Variants in USH2A observed in about 807,000 individuals in gnomAD.
USH2A encodes usherin.
Under a neutral mutation model 538.9 loss-of-function variants are expected in USH2A, and 443 were observed. The ratio of observed to expected loss-of-function variants is 0.82; its 90% CI spans 0.76 to 0.89. The LOEUF (loss-of-function observed/expected upper bound fraction) is 0.89, where lower values mean the gene tolerates loss of function less well. Ranked by LOEUF, USH2A falls within the 40% of genes least tolerant of loss-of-function variation. The pLI is 0.00. For synonymous variants in USH2A, 2,413 were observed against 2,273.5 expected, an observed-to-expected ratio of 1.06 and a Z score of -1.75; for missense variants, 6,633 against 6,324.8, an observed-to-expected ratio of 1.05 and a Z score of -1.65.
chr1:215,986,629 G>A (rs1383217104), intron 35 of USH2A, among the ~76,000 whole-genome samples: 1 of 152,176 alleles, frequency 6.6e-6, no homozygotes, highest in Non-Finnish European at 1.5e-5. Context: ...AGGTCTCTAA[G>A]TGTGTGCTTT....
chr1:216,141,183 C>G (rs188855387), intron 21 of USH2A, among the ~76,000 whole-genome samples: 82 of 152,308 alleles, frequency 5.4e-4, no homozygotes, highest in Admixed American at 9.8e-4. Context: ...TCCTGCAACT[C>G]TAATTAAGAT....
intron 11 of USH2A, among the ~76,000 whole-genome samples, chr1:216,251,552 A>G (rs1277697763): frequency 2.8e-5 from 4 of 142,910 alleles, no homozygotes; most frequent in African/African-American, 7.8e-5. Flanking sequence ...CTGGGTTCAC[A>G]CCATTCTCCT....
At chr1:216,195,554 G>A (rs2034821490) in intron 19 of USH2A, among the ~76,000 whole-genome samples, 1 of 152,058 alleles carries the variant, frequency 6.6e-6, no homozygotes, top group Non-Finnish European at 1.5e-5. Flanking sequence ...CATGTTGTGT[G>A]GAAAGAGACG....
At chr1:216,118,881 C>G (rs1309650695) in intron 21 of USH2A, among the ~76,000 whole-genome samples, 1 of 152,202 alleles carries the variant, frequency 6.6e-6, no homozygotes, top group Admixed American at 6.5e-5. Context: ...CATGTACAGT[C>G]TTAAACTCTT....
intron 37 of USH2A, among the ~76,000 whole-genome samples, chr1:215,951,055 C>T (rs1024001148): frequency 3.3e-5 from 5 of 152,020 alleles, no homozygotes; most frequent in African/African-American, 4.8e-5. Context: ...CTATGTCTTC[C>T]GGTTCTACTC....
At chr1:215,839,511 A>C (rs1339508342) in intron 46 of USH2A, among the ~76,000 whole-genome samples, 1 of 152,202 alleles carries the variant, frequency 6.6e-6, no homozygotes, top group Non-Finnish European at 1.5e-5. Flanking sequence ...AATGTTAAAC[A>C]TAACTTTAAG....
In USH2A at chr1:216,048,557, A is replaced by G. The variant is rs1368784894; in HGVS notation, c.6140T>C (p.Leu2047Ser). 2.5e-6 allele frequency: 4 copies of G among 1,613,978 alleles called. No individual in the cohort carries two copies. Among genetic ancestry groups the G allele is most frequent in the Admixed American group, 1.7e-5 (1 of 59,998 alleles). ...ACCTTCTTGTGGAGTAGAGATGTTC[A>G]ATGCATGTGAGCTCTCAGTACAGCC... is the stretch of plus-strand genomic sequence containing the variant. ...LAGCTESSHA[L>S]NISTPQEAPQ... Residue 2047 changes from leucine to serine, a missense_variant, in exon 31 of 72, where the codon TTG becomes TCG. Leu to Ser is a moderately radical substitution (Grantham distance 145, BLOSUM62 -2). Transcript: ENST00000307340.
At chr1:216,086,608 AG>A (rs2032141309) in intron 24 of USH2A, 110 bp downstream of exon 24, 2 of 959,424 alleles carry the variant, frequency 2.1e-6, no homozygotes, top group African/African-American at 3.3e-5. Flanking sequence ...ACATTAATAT[AG>A]AAAATATAGC....
In USH2A at chr1:215,674,107, A is replaced by G. The variant is rs755099565; in HGVS notation, c.13804T>C (p.Phe4602Leu). ...CGAGACATGGCTACCTACCTGTGAA[A>G]TGGCTTCAGCTGGTTTACTATATAT... Reference protein sequence around the residue: ...QSYIVNQLKPFHRYEIRIQAC... With the variant: ...QSYIVNQLKPLHRYEIRIQAC... The change falls in exon 63 of 72, where the codon TTT becomes CTT. Residue 4602 changes from phenylalanine to leucine, a missense_variant. Coordinates refer to ENST00000307340, the MANE Select transcript of USH2A (RefSeq NM_206933.4). The G allele has an allele frequency of 6.2e-7, 1 of 1,614,078 alleles. No individual in the cohort carries two copies. The highest frequency in any genetic ancestry group is 8.5e-7 in the Non-Finnish European group (1 of 1,179,994).
At chr1:215,725,494 CT>C (rs1157475172) in intron 61 of USH2A, among the ~76,000 whole-genome samples, 11 of 152,090 alleles carry the variant, frequency 7.2e-5, no homozygotes, top group Non-Finnish European at 5.9e-5. Context: ...GAACACTTGC[CT>C]AGATTGCTTT....
At chr1:215,916,065 T>A (rs1365515363) in intron 38 of USH2A, among the ~76,000 whole-genome samples, 4 of 148,394 alleles carry the variant, frequency 2.7e-5, no homozygotes, top group Non-Finnish European at 4.5e-5. Context: ...GAGGGATAGC[T>A]TTAGGAGATC....
chr1:216,107,806 T>C (rs1332823855), intron 21 of USH2A, among the ~76,000 whole-genome samples: 1 of 151,648 alleles, frequency 6.6e-6, no homozygotes, highest in Non-Finnish European at 1.5e-5. Context: ...AGGTAGACTT[T>C]AGACTTTTTA....
chr1:216,116,625 G>T (rs1339793547), intron 21 of USH2A, among the ~76,000 whole-genome samples: 2 of 152,104 alleles, frequency 1.3e-5, no homozygotes, highest in Non-Finnish European at 2.9e-5. Flanking sequence ...GAAATGGAAT[G>T]AAAGCAAAAC....
At chr1:216,054,728 C>T (rs1402788797) in intron 30 of USH2A, among the ~76,000 whole-genome samples, 1 of 147,386 alleles carries the variant, frequency 6.8e-6, no homozygotes, top group African/African-American at 2.5e-5. Flanking sequence ...TGTTCTCCTT[C>T]ATTATGTTAA....
At chr1:215,913,237 A>G (rs1665860341) in intron 38 of USH2A, among the ~76,000 whole-genome samples, 1 of 152,120 alleles carries the variant, frequency 6.6e-6, no homozygotes, top group Non-Finnish European at 1.5e-5. Context: ...CATTATGGGC[A>G]TGAGAATATT....
At chr1:216,266,934 T>A (rs2036484200) in intron 11 of USH2A, among the ~76,000 whole-genome samples, 1 of 151,618 alleles carries the variant, frequency 6.6e-6, no homozygotes, top group African/African-American at 2.4e-5. Flanking sequence ...ATTCAAATAA[T>A]ATTTTATATA....
chr1:215,967,748 C>CAAAAA (rs112172077), intron 36 of USH2A, among the ~76,000 whole-genome samples: 82 of 144,034 alleles, frequency 5.7e-4, no homozygotes, highest in African/African-American at 1.3e-3. Flanking sequence ...TGCTTCTTTG[C>CAAAAA]AAAAAAAAAA....
intron 3 of USH2A, among the ~76,000 whole-genome samples, chr1:216,411,839 T>C (rs1230794830): frequency 6.6e-6 from 1 of 152,156 alleles, no homozygotes; most frequent in Non-Finnish European, 1.5e-5. Context: ...ATGAATTAAC[T>C]GTTGTGTTAA....
chr1:215,915,694 C>A (rs1665935053), intron 38 of USH2A, among the ~76,000 whole-genome samples: 1 of 151,858 alleles, frequency 6.6e-6, no homozygotes, highest in South Asian at 2.1e-4. Flanking sequence ...TGGGTATATA[C>A]CCAAAGGACT....
Sources: allele counts gnomAD v4.1 joint callset (sites outside exome capture counted in the v4.1 genomes callset), GRCh38; gene constraint gnomAD v4.1.1; transcripts MANE v1.5; gene names NCBI Gene and HGNC (gene_info 2026-07-23, HGNC 2026-07-21).